CIROZ: variants seen among roughly 807,000 people sequenced by gnomAD.
CIROZ encodes the protein ciliated left-right organizer protein containing ZP-N domains, also known as ciliated left-right organizer ZP-N domains-containing protein.
the CIROZ span, among the ~76,000 whole-genome samples, chr1:10,981,318 C>T: frequency 6.6e-6 from 1 of 152,048 alleles, no homozygotes; most frequent in African/African-American, 2.4e-5. Context: ...AGTGTGGTGG[C>T]ACATGCCTAT....
chr1:10,974,340 G>T, the CIROZ span, among the ~76,000 whole-genome samples: 1 of 152,092 alleles, frequency 6.6e-6, no homozygotes, highest in Admixed American at 6.5e-5. The surrounding 1 kb of genome is among the most constrained non-coding windows in gnomAD (Gnocchi z 4.4). Flanking sequence ...GCAGAGAGGC[G>T]ATGGGATGAG....
At chr1:10,954,786 TCTCA>T in the CIROZ span, among the ~76,000 whole-genome samples, 1 of 152,136 alleles carries the variant, frequency 6.6e-6, no homozygotes, top group African/African-American at 2.4e-5. Flanking sequence ...AGCAATGAGG[TCTCA>T]CTATGTTTCC....
At chr1:10,973,949 A>C in the CIROZ span, among the ~76,000 whole-genome samples, 1 of 138,554 alleles carries the variant, frequency 7.2e-6, no homozygotes, top group Non-Finnish European at 1.5e-5. Context: ...CGGGGACCCC[A>C]GGAAGGACCC....
the CIROZ span, among the ~76,000 whole-genome samples, chr1:10,961,639 G>T: frequency 2.3e-4 from 35 of 152,182 alleles, no homozygotes; most frequent in Non-Finnish European, 3.8e-4. Context: ...GCATACAATA[G>T]ATGCTCAATA....
the CIROZ span, among the ~76,000 whole-genome samples, chr1:10,961,479 G>A: frequency 1.3e-5 from 2 of 152,186 alleles, no homozygotes; most frequent in African/African-American, 4.8e-5. Flanking sequence ...ATGAGCCCAG[G>A]TCTTCTGAGC....
the CIROZ span, chr1:10,969,855 G>A: frequency 3.6e-6 from 5 of 1,399,190 alleles, no homozygotes; most frequent in Non-Finnish European, 4.6e-6. Flanking sequence ...TTTGAGCAGA[G>A]ATTTGAGTGA....
chr1:10,958,379 T>TTAAAAAGGAACAAGCTCCC, the CIROZ span, among the ~76,000 whole-genome samples: 1 of 152,182 alleles, frequency 6.6e-6, no homozygotes, highest in Non-Finnish European at 1.5e-5. Context: ...AACAAGCTCC[T>TTAAAAAGGAACAAGCTCCC]TACAAAGGAA....
chr1:10,970,110 AGGGAGGGAGGT>A, the CIROZ span: 1 of 947,948 alleles, frequency 1.1e-6, no homozygotes, highest in Non-Finnish European at 1.5e-6. Flanking sequence ...AGGAAGGAGG[AGGGAGGGAGGT>A]GGGGAAGGGA....
the CIROZ span, among the ~76,000 whole-genome samples, chr1:10,966,087 T>A: frequency 6.6e-6 from 1 of 152,134 alleles, no homozygotes; most frequent in Non-Finnish European, 1.5e-5. Context: ...GGGCACATTA[T>A]GAGTCAGTGT....
chr1:10,962,275 G>A, the CIROZ span, among the ~76,000 whole-genome samples: 3 of 151,978 alleles, frequency 2.0e-5, no homozygotes, highest in South Asian at 2.1e-4. Context: ...AGGAAACCCC[G>A]TCTCTACCAA....
chr1:10,965,619 G>C, the CIROZ span, among the ~76,000 whole-genome samples: 79 of 152,156 alleles, frequency 5.2e-4, no homozygotes, highest in Middle Eastern at 6.8e-3. Flanking sequence ...CAGCTACTCT[G>C]GGGGCCGAGG....
the CIROZ span, among the ~76,000 whole-genome samples, chr1:10,954,410 C>T: frequency 2.0e-4 from 30 of 149,826 alleles, no homozygotes; most frequent in Middle Eastern, 3.2e-3. Flanking sequence ...GCCGAGATCG[C>T]GCCACTGCAC....
chr1:10,949,034 G>A, the CIROZ span: 29 of 463,262 alleles, frequency 6.3e-5, no homozygotes, highest in Non-Finnish European at 9.5e-5. Flanking sequence ...AGACTGGCCT[G>A]GCCAACATGG....
the CIROZ span, among the ~76,000 whole-genome samples, chr1:10,981,665 A>G: frequency 6.6e-6 from 1 of 152,194 alleles, no homozygotes; most frequent in Non-Finnish European, 1.5e-5. Flanking sequence ...CTCTTGGTCA[A>G]CTTGACCCCT....
At chr1:10,975,592 A>G in the CIROZ span, among the ~76,000 whole-genome samples, 4 of 147,224 alleles carry the variant, frequency 2.7e-5, no homozygotes, top group South Asian at 6.4e-4. Context: ...CTGTCTCAGA[A>G]AAAAAAAAAA....
the CIROZ span, chr1:10,948,967 G>A: frequency 2.1e-6 from 2 of 962,886 alleles, no homozygotes; most frequent in Non-Finnish European, 2.8e-6. Context: ...GCTCACGACT[G>A]TAATCCCAAC....
At chr1:10,967,474 C>G in the CIROZ span, among the ~76,000 whole-genome samples, 1 of 152,196 alleles carries the variant, frequency 6.6e-6, no homozygotes, top group African/African-American at 2.4e-5. Flanking sequence ...TTAACACTCC[C>G]CGATCCTGCC....
the CIROZ span, chr1:10,954,913 A>G: frequency 1.4e-6 from 2 of 1,442,994 alleles, no homozygotes. Flanking sequence ...GTTTCTGACC[A>G]CATATGGCAT....
At chr1:10,956,331 C>T in the CIROZ span, among the ~76,000 whole-genome samples, 1 of 152,104 alleles carries the variant, frequency 6.6e-6, no homozygotes, top group Non-Finnish European at 1.5e-5. Context: ...AGGGGGTCCC[C>T]ACCACCCTCA....
Sources: allele counts gnomAD v4.1 joint callset (sites outside exome capture counted in the v4.1 genomes callset), GRCh38; gene constraint gnomAD v4.1.1; non-coding constraint Gnocchi (gnomAD v3.1); transcripts MANE v1.5; gene names NCBI Gene and HGNC (gene_info 2026-07-23, HGNC 2026-07-21).